Variants in SOX5 observed in about 807,000 individuals in gnomAD.
SOX5 encodes the protein SRY-box transcription factor 5, also known as transcription factor SOX-5.
Under a neutral mutation model 92.0 loss-of-function variants are expected in SOX5, and 9 were observed. That is an observed-to-expected ratio of 0.10 (90% CI 0.06 to 0.17). The LOEUF (loss-of-function observed/expected upper bound fraction) is 0.17. Among genes scored for constraint, SOX5 ranks in the 10% least tolerant of loss-of-function variants. The probability of loss-of-function intolerance (pLI) is 1.00; values close to 1 mark genes in which losing one functional copy is unlikely to be tolerated. For missense variants in SOX5, 642 were observed against 944.5 expected (o/e 0.68, Z 4.20); for synonymous variants, 344 against 336.3 (o/e 1.02, Z -0.25).
rs538870234 is a variant in SOX5, at chr12:24,360,095, A to G, written c.-174+8468T>C. The stretch of plus-strand genomic sequence containing the variant: ...TTTTTGTTATCCACAGCCTTTGGTA[A>G]AGTTACTTAGAAGTTTGCTTTAAAA... On this transcript the variant is annotated intron_variant, in intron 2 of 4. Coordinates refer to the SOX5 transcript ENST00000446891. 2.5e-4 allele frequency among the ~76,000 whole-genome samples: 38 copies of G among 152,310 alleles called. 1 individual carries two copies. The South Asian group carries it at 7.9e-3, about 32-fold the overall frequency.
At chr12:24,239,482 A>G (rs1965157884) in intron 3 of SOX5, among the ~76,000 whole-genome samples, 1 of 152,164 alleles carries the variant, frequency 6.6e-6, no homozygotes, top group Non-Finnish European at 1.5e-5. Context: ...CCTCATTTTT[A>G]TAGGACTTCT....
chr12:24,017,178 G>A (rs189106486), intron 4 of SOX5, among the ~76,000 whole-genome samples: 1 of 152,276 alleles, frequency 6.6e-6, no homozygotes, highest in Non-Finnish European at 1.5e-5. Context: ...TAAGGCAAAG[G>A]CACCAACGCA....
intron 4 of SOX5, among the ~76,000 whole-genome samples, chr12:24,126,236 T>G (rs1949091085): frequency 6.6e-6 from 1 of 152,182 alleles, no homozygotes; most frequent in African/African-American, 2.4e-5. Flanking sequence ...GCCTTCCAAA[T>G]CTATATTTCT....
intron 2 of SOX5, among the ~76,000 whole-genome samples, chr12:24,355,783 T>A (rs1242406012): frequency 6.6e-6 from 1 of 152,216 alleles, no homozygotes; most frequent in African/African-American, 2.4e-5. Context: ...GGCTTATCTA[T>A]TTCTGGGGAA....
chr12:24,501,131 A>G (rs1344963191), intron 1 of SOX5, among the ~76,000 whole-genome samples: 1 of 152,176 alleles, frequency 6.6e-6, no homozygotes, highest in African/African-American at 2.4e-5. Flanking sequence ...ACTGTGCCAC[A>G]ATTTTATCCT....
chr12:23,686,177 T>C (rs749296284), intron 6 of SOX5, among the ~76,000 whole-genome samples: 1 of 152,186 alleles, frequency 6.6e-6, no homozygotes, highest in Non-Finnish European at 1.5e-5. Flanking sequence ...TATCAGGTTC[T>C]TTTGAATGAA....
upstream of SOX5, among the ~76,000 whole-genome samples, chr12:23,954,947 G>A (rs946788882): frequency 6.6e-6 from 1 of 151,876 alleles, no homozygotes; most frequent in African/African-American, 2.4e-5. Flanking sequence ...TTAAATAAAA[G>A]CTTTTATTTT....
At chr12:24,007,214 T>A (rs1326611069) in intron 4 of SOX5, among the ~76,000 whole-genome samples, 1 of 35,290 alleles carries the variant, frequency 2.8e-5, no homozygotes, top group Non-Finnish European at 5.9e-5. Context: ...TTTATATATA[T>A]AAATGTATAT....
intron 1 of SOX5, among the ~76,000 whole-genome samples, chr12:24,473,745 C>T (rs1945057256): frequency 6.6e-6 from 1 of 152,136 alleles, no homozygotes; most frequent in Non-Finnish European, 1.5e-5. Context: ...AGAAAGAAAT[C>T]TCAAAGGTCT....
chr12:23,790,878 T>C (rs755816000), intron 3 of SOX5, among the ~76,000 whole-genome samples: 3 of 152,108 alleles, frequency 2.0e-5, no homozygotes, highest in Non-Finnish European at 2.9e-5. Flanking sequence ...CCCCGCTCTA[T>C]AAGGTAGACA....
At chr12:24,275,636 G>T (rs900996224) in intron 3 of SOX5, among the ~76,000 whole-genome samples, 9 of 152,066 alleles carry the variant, frequency 5.9e-5, no homozygotes, top group Non-Finnish European at 1.2e-4. Flanking sequence ...ATAAATATAT[G>T]AAAATTAACT....
intron 2 of SOX5, among the ~76,000 whole-genome samples, chr12:23,878,303 A>G (rs1268806797): frequency 6.6e-6 from 1 of 152,076 alleles, no homozygotes; most frequent in East Asian, 1.9e-4. Context: ...GTCAAAGAGA[A>G]ACAGATAGTT....
chr12:24,386,387 C>T (rs1958418009), intron 1 of SOX5, among the ~76,000 whole-genome samples: 1 of 152,096 alleles, frequency 6.6e-6, no homozygotes, highest in African/African-American at 2.4e-5. Flanking sequence ...GTACCTCAAA[C>T]CAGGCCCTGT....
Position 23,740,968 on chromosome 12 carries a change from C to G in SOX5, c.640G>C (p.Glu214Gln). Residue 214 changes from glutamate (E) to glutamine (Q), a missense_variant, in exon 5 of 15, where the codon GAG becomes CAG. By Grantham distance (29) the Glu-to-Gln change is conservative. This residue lies in a region of SOX5 where 324 missense variants were observed against 461.6 expected (regional missense o/e 0.70). Transcript: ENST00000451604. Reference sequence around the variant, plus strand: ...TCATCGTGGGCAGCCAACAGCTGCTCTCGGAGGCTGGTCAGCTGGTTGATC... The same window carrying G: ...TCATCGTGGGCAGCCAACAGCTGCTGTCGGAGGCTGGTCAGCTGGTTGATC... The part of the protein sequence containing the change: ...GMINQLTSLR[E>Q]QLLAAHDEQK... 6.2e-7 allele frequency: 1 copy of G among 1,612,464 alleles called. No individual in the cohort carries two copies. The highest frequency in any genetic ancestry group is 1.1e-5 in the South Asian group (1 of 90,914).
chr12:23,806,488 T>A (rs2095773267), intron 3 of SOX5, among the ~76,000 whole-genome samples: 1 of 151,968 alleles, frequency 6.6e-6, no homozygotes. Flanking sequence ...ACATTTCTTT[T>A]GATCTTTCTT....
At chr12:24,266,646 C>A (rs1943055399) in intron 3 of SOX5, among the ~76,000 whole-genome samples, 1 of 152,014 alleles carries the variant, frequency 6.6e-6, no homozygotes, top group Non-Finnish European at 1.5e-5. Flanking sequence ...TCTATTATTT[C>A]TATTTCTATT....
chr12:23,801,750 C>G (rs960109055), intron 3 of SOX5, among the ~76,000 whole-genome samples: 8 of 152,010 alleles, frequency 5.3e-5, no homozygotes, highest in African/African-American at 1.7e-4. Context: ...GATTTGGATT[C>G]CAACCCTACG....
chr12:24,110,956 G>A (rs1239826510), intron 4 of SOX5, among the ~76,000 whole-genome samples: 1 of 139,134 alleles, frequency 7.2e-6, no homozygotes, highest in African/African-American at 2.6e-5. Flanking sequence ...GAATCCTGAT[G>A]ACTTCGTTCT....
At chr12:23,725,065 T>C (rs1315146118) in intron 6 of SOX5, among the ~76,000 whole-genome samples, 1 of 152,180 alleles carries the variant, frequency 6.6e-6, no homozygotes, top group East Asian at 1.9e-4. Flanking sequence ...AGAATGAGGA[T>C]TCCAGGATGT....
Sources: gnomAD v4.1 joint callset for allele counts (sites outside exome capture counted in the v4.1 genomes callset) on GRCh38, gnomAD v4.1.1 for gene constraint, gnomAD v4.1.1 regional missense constraint, MANE v1.5 for transcripts, NCBI Gene and HGNC (gene_info 2026-07-23, HGNC 2026-07-21) for gene names.